OSBPL2: variants seen among roughly 807,000 people sequenced by gnomAD.
The protein encoded by OSBPL2 is oxysterol binding protein like 2, also known as oxysterol-binding protein-related protein 2.
OSBPL2 carries 18 observed loss-of-function variants against 58.4 expected under a neutral mutation model. The ratio of observed to expected loss-of-function variants is 0.31; its 90% CI spans 0.21 to 0.46. The LOEUF is 0.46. OSBPL2 is among the 20% of genes least tolerant of loss of function. OSBPL2 has a pLI of 1.00. For synonymous variants in OSBPL2, 221 were observed against 234.1 expected (o/e 0.94, Z 0.51); for missense variants, 461 against 616.5 (o/e 0.75, Z 2.67).
chr20:62,275,304 T>C (rs1307626417), intron 6 of OSBPL2, among the ~76,000 whole-genome samples: 2 of 152,260 alleles, frequency 1.3e-5, no homozygotes, highest in African/African-American at 4.8e-5. Flanking sequence ...TGTCATAATT[T>C]TCCTGTGACA....
At position 62,295,678 on chromosome 20, in the gene OSBPL2, G is replaced by A. The variant is rs1328668282; in HGVS notation, c.*1791G>A. On this transcript the variant is annotated 3_prime_UTR_variant, in exon 14 of 14. Coordinates refer to ENST00000313733, the MANE Select transcript of OSBPL2 (RefSeq NM_144498.4). The surrounding 1 kb of genome is among the most constrained non-coding windows in gnomAD (Gnocchi z 4.8). ...CAAAGAGGAGACTTTGAAATTCCCCGATGGCTGGAATGTGGAGCCCAGGTG... is the reference window on the plus strand; with the variant it reads ...CAAAGAGGAGACTTTGAAATTCCCCAATGGCTGGAATGTGGAGCCCAGGTG... 2.0e-5 allele frequency: 3 copies of A among 152,196 alleles called. No individual in the cohort carries two copies. The highest frequency in any genetic ancestry group is 4.4e-5 in the Non-Finnish European group (3 of 68,046). 9.4% of individuals were successfully genotyped at this position (152,196 alleles called of 1,614,324 possible).
rs759643183 is a variant in OSBPL2, at chr20:62,279,116, G to T, written c.492-41G>T. ...TCTGAGCTGCCCTTTCTTTTATTTT[G>T]CTGCCATTAATGTGTCTCTCTTTTT... On this transcript the variant is annotated intron_variant, in intron 6 of 13. Coordinates refer to ENST00000313733, the MANE Select transcript of OSBPL2 (RefSeq NM_144498.4). The T allele has an allele frequency of 2.5e-5, 39 of 1,536,012 alleles. 1 individual carries two copies. The South Asian group carries it at 4.5e-4, about 18-fold the overall frequency.
intron 1 of OSBPL2, among the ~76,000 whole-genome samples, chr20:62,252,938 C>A (rs576380927): frequency 1.9e-4 from 29 of 152,372 alleles, no homozygotes; most frequent in African/African-American, 6.7e-4. Flanking sequence ...GGCTCAAACA[C>A]CTCCCATCAG....
chr20:62,256,453 C>T (rs946461704), intron 2 of OSBPL2, among the ~76,000 whole-genome samples: 8 of 152,084 alleles, frequency 5.3e-5, no homozygotes, highest in Non-Finnish European at 1.2e-4. Flanking sequence ...TCCTGGGGTG[C>T]GGATATTTTC....
At position 62,263,650 on chromosome 20, in the gene OSBPL2, G is replaced by A. The variant is rs780010928; in HGVS notation, c.217G>A (p.Asp73Asn). The A allele has an allele frequency of 1.9e-6, 3 of 1,614,182 alleles. No individual in the cohort carries two copies. The highest frequency in any genetic ancestry group is 2.5e-6 in the Non-Finnish European group (3 of 1,180,028). ...SLPAPMFSRS[D>N]FSVWTILKKC... ...GCCGGCTCCCATGTTCAGCAGAAGC[G>A]ACTTCAGCGTGTGGACCATCCTGAA... Residue 73 changes from aspartate (D) to asparagine (N), a missense_variant, in exon 4 of 14, where the codon GAC becomes AAC. By Grantham distance (23) the Asp-to-Asn change is conservative. Around this residue, in one of 5 missense-constraint regions of OSBPL2, gnomAD observed 38 missense variants for 74.2 expected, o/e 0.51. Transcript: ENST00000313733.
At chr20:62,260,737 C>G (rs1044641971) in intron 3 of OSBPL2, among the ~76,000 whole-genome samples, 10 of 152,174 alleles carry the variant, frequency 6.6e-5, no homozygotes, top group African/African-American at 2.4e-4. Context: ...CCTGTAATCC[C>G]AGCACTTTGG....
intron 11 of OSBPL2, 50 bp from the exon 12 acceptor site, chr20:62,289,157 C>CA: frequency 6.2e-7 from 1 of 1,603,370 alleles, no homozygotes; most frequent in Non-Finnish European, 8.5e-7. Context: ...GAGCATAGTC[C>CA]ATGGTTCAGA....
At chr20:62,261,527 T>C (rs912550100) in intron 3 of OSBPL2, among the ~76,000 whole-genome samples, 2 of 152,146 alleles carry the variant, frequency 1.3e-5, no homozygotes, top group South Asian at 2.1e-4. Flanking sequence ...GGCACCCACA[T>C]GTGCATCTCA....
intron 13 of OSBPL2, among the ~76,000 whole-genome samples, chr20:62,292,420 T>C (rs1270704206): frequency 1.3e-5 from 2 of 152,238 alleles, no homozygotes; most frequent in Non-Finnish European, 2.9e-5. Flanking sequence ...CCGTGGCGTC[T>C]GTGCACATGG....
At chr20:62,239,582 G>A (rs1979581561) in intron 1 of OSBPL2, among the ~76,000 whole-genome samples, 1 of 152,202 alleles carries the variant, frequency 6.6e-6, no homozygotes, top group Admixed American at 6.5e-5. Context: ...TGGAGAAGGG[G>A]TCCCATTCGG....
rs1307231171 is a variant in OSBPL2, at chr20:62,238,541, C to G, written c.-185C>G. ...TCGGTGTCAGTGGGTCGCGGGCCTA[C>G]GGGGCGGGGGCGGGGCGGCAGTGAG... On this transcript the variant is annotated 5_prime_UTR_variant, in exon 1 of 14. Transcript: ENST00000313733. 1 of 149,498 alleles carries G rather than the reference C, an allele frequency of 6.7e-6. No individual in the cohort carries two copies. The highest frequency in any genetic ancestry group is 2.0e-4 in the East Asian group (1 of 5,070). 9.3% of individuals were successfully genotyped at this position (149,498 alleles called of 1,614,324 possible).
intron 1 of OSBPL2, among the ~76,000 whole-genome samples, chr20:62,250,318 G>A (rs966892900): frequency 2.0e-5 from 3 of 152,196 alleles, no homozygotes; most frequent in African/African-American, 7.2e-5. Context: ...GCCTGTTATG[G>A]CAACTCCTTC....
chr20:62,293,671 C>A, intron 13 of OSBPL2, 114 bp from the exon 14 acceptor site: 2 of 851,448 alleles, frequency 2.3e-6, no homozygotes, highest in South Asian at 1.9e-5. Context: ...CATTTTAAAA[C>A]CCACGTTACC....
intron 1 of OSBPL2, among the ~76,000 whole-genome samples, chr20:62,254,373 G>A (rs562005235): frequency 1.5e-3 from 236 of 152,378 alleles, no homozygotes; most frequent in Non-Finnish European, 3.1e-3. Context: ...CTCTGAAGGG[G>A]GAAGCACATC....
intron 1 of OSBPL2, among the ~76,000 whole-genome samples, chr20:62,248,445 C>T (rs1408102176): frequency 3.3e-5 from 5 of 152,174 alleles, no homozygotes; most frequent in Admixed American, 1.3e-4. Flanking sequence ...CATGAGCCAT[C>T]GTGTCTGGGC....
chr20:62,280,949 C>A, intron 7 of OSBPL2, 109 bp from the exon 8 acceptor site: 1 of 772,292 alleles, frequency 1.3e-6, no homozygotes, highest in Admixed American at 1.8e-5. Context: ...GCTGCTCTCC[C>A]GCGGGTGCCG....
intron 1 of OSBPL2, among the ~76,000 whole-genome samples, chr20:62,249,858 G>C (rs1980404981): frequency 6.6e-6 from 1 of 152,262 alleles, no homozygotes; most frequent in Non-Finnish European, 1.5e-5. Flanking sequence ...ACAGGCCTGA[G>C]CCACCACACC....
intron 1 of OSBPL2, among the ~76,000 whole-genome samples, chr20:62,254,809 A>G (rs146326863): frequency 1.3e-5 from 2 of 152,366 alleles, no homozygotes; most frequent in East Asian, 3.9e-4. Context: ...ACTAATGTGC[A>G]TGAGTTCTAG....
In OSBPL2 at chr20:62,238,613, C is replaced by T. The variant is rs1335911305; in HGVS notation, c.-129+16C>T. The T allele has an allele frequency of 2.7e-5, 4 of 148,112 alleles. No homozygotes were observed. Among genetic ancestry groups the T allele is most frequent in the Admixed American group, 2.0e-4 (3 of 14,962 alleles). 9.2% of individuals were successfully genotyped at this position (148,112 alleles called of 1,614,324 possible). Reference sequence around the variant, plus strand: ...CCGCGTCCAGGTGAGTGGCCCCCGCCGCCGCCACGCGAAGGCCCGGGACCC... The same window carrying T: ...CCGCGTCCAGGTGAGTGGCCCCCGCTGCCGCCACGCGAAGGCCCGGGACCC... On this transcript the variant is annotated intron_variant, in intron 1 of 13. Transcript: ENST00000313733.
Sources: allele counts gnomAD v4.1 joint callset (sites outside exome capture counted in the v4.1 genomes callset), GRCh38; gene constraint gnomAD v4.1.1; regional missense constraint gnomAD v4.1.1; non-coding constraint Gnocchi (gnomAD v3.1); transcripts MANE v1.5; gene names NCBI Gene and HGNC (gene_info 2026-07-23, HGNC 2026-07-21).